Variants in KIT observed in about 807,000 individuals in gnomAD.
KIT encodes the protein mast/stem cell growth factor receptor Kit.
In KIT, 16 loss-of-function variants were observed where a neutral mutation model predicts 105.7. The ratio of observed to expected loss-of-function variants is 0.15; its 90% CI spans 0.10 to 0.23. The LOEUF (loss-of-function observed/expected upper bound fraction) is 0.23, where lower values mean the gene tolerates loss of function less well. KIT is among the 10% of genes least tolerant of loss of function. The pLI is 1.00. For synonymous variants in KIT, 438 were observed against 441.1 expected (o/e 0.99, Z 0.09); for missense variants, 858 against 1,213.8 (o/e 0.71, Z 4.36).
chr4:54,682,385 G>C (rs142830957), intron 1 of KIT, among the ~76,000 whole-genome samples: 39 of 152,066 alleles, frequency 2.6e-4, no homozygotes, highest in Non-Finnish European at 4.1e-4. Flanking sequence ...ACCGTGCCTG[G>C]CCCAAGCACT....
intron 5 of KIT, among the ~76,000 whole-genome samples, chr4:54,705,553 CCTTT>C (rs1450131947): frequency 6.6e-6 from 1 of 151,918 alleles, no homozygotes; most frequent in African/African-American, 2.4e-5. Flanking sequence ...ACAAAGTTAC[CCTTT>C]CTTTGTTTTT....
intron 5 of KIT, among the ~76,000 whole-genome samples, chr4:54,704,718 A>AT (rs1459568121): frequency 2.0e-5 from 3 of 152,086 alleles, no homozygotes; most frequent in Non-Finnish European, 4.4e-5. Context: ...AATTTAATCC[A>AT]TTTTTCTGTC....
rs1720341308 is a variant in KIT, at chr4:54,699,837, GTC to G, written c.756+73_756+74del. 5 of 1,573,278 alleles carry G rather than the reference GTC, an allele frequency of 3.2e-6. No individual in the cohort carries two copies. In the African/African-American group the frequency reaches 6.8e-5, roughly 21 times the overall value. On this transcript the variant is annotated intron_variant, in intron 4 of 20. Transcript: ENST00000288135. ...ATGATAAGTTTTCTCTTTCAGAAGA[GTC>G]TGTCCTGAAACTGCCTCGACTAGTG... is the stretch of plus-strand genomic sequence containing the variant.
chr4:54,708,380 A>T (rs1720922340), intron 6 of KIT, among the ~76,000 whole-genome samples: 2 of 152,076 alleles, frequency 1.3e-5, no homozygotes, highest in Non-Finnish European at 2.9e-5. Context: ...GTAGGGGAAG[A>T]GGCATGGGAG....
intron 1 of KIT, among the ~76,000 whole-genome samples, chr4:54,660,027 A>C (rs560295888): frequency 3.9e-5 from 6 of 152,258 alleles, no homozygotes; most frequent in Non-Finnish European, 7.4e-5. Context: ...TCCAGAGTAC[A>C]AGGAGGCATC....
chr4:54,711,798 G>A (rs77028315), intron 7 of KIT, among the ~76,000 whole-genome samples: 2 of 151,840 alleles, frequency 1.3e-5, no homozygotes, highest in African/African-American at 2.4e-5. Context: ...TGATGAGTGC[G>A]TGTAATCCCA....
At chr4:54,663,865 T>TA (rs1717484108) in intron 1 of KIT, among the ~76,000 whole-genome samples, 1 of 152,170 alleles carries the variant, frequency 6.6e-6, no homozygotes, top group African/African-American at 2.4e-5. Flanking sequence ...CTCCAGCACT[T>TA]ACACTAAGCT....
At chr4:54,674,337 C>G (rs1718319704) in intron 1 of KIT, among the ~76,000 whole-genome samples, 1 of 152,240 alleles carries the variant, frequency 6.6e-6, no homozygotes, top group African/African-American at 2.4e-5. Context: ...CCTCTCCGCA[C>G]TCACTAATTA....
intron 2 of KIT, among the ~76,000 whole-genome samples, chr4:54,697,739 G>T (rs191453492): frequency 6.6e-6 from 1 of 152,300 alleles, no homozygotes; most frequent in East Asian, 1.9e-4. Context: ...GAGTTTTCTG[G>T]ATTCTCTTTA....
chr4:54,706,209 A>T (rs1305891219), intron 5 of KIT, among the ~76,000 whole-genome samples: 1 of 144,310 alleles, frequency 6.9e-6, no homozygotes, highest in Non-Finnish European at 1.6e-5. Flanking sequence ...ACAAGATTTA[A>T]TCAAGGAATA....
In KIT at chr4:54,738,520, C is replaced by T. The variant is rs201185750; in HGVS notation, c.2894C>T (p.Ser965Phe). The T allele has an allele frequency of 6.2e-6, 10 of 1,614,116 alleles. No homozygotes were observed. Among genetic ancestry groups the T allele is most frequent in the Non-Finnish European group, 8.5e-6 (10 of 1,180,020 alleles). Residue 965 changes from serine to phenylalanine, a missense_variant, in exon 21 of 21, where the codon TCC becomes TTC. This residue lies in a region of KIT where 105 missense variants were observed against 103.5 expected (regional missense o/e 1.01). Coordinates refer to ENST00000288135, the MANE Select transcript of KIT (RefSeq NM_000222.3). ...ATCAATTCTGTCGGCAGCACCGCTT[C>T]CTCCTCCCAGCCTCTGCTTGTGCAC... ...VRINSVGSTA[S>F]SSQPLLVHDD...
chr4:54,688,816 G>T (rs992276097), intron 1 of KIT, among the ~76,000 whole-genome samples: 3 of 152,162 alleles, frequency 2.0e-5, no homozygotes, highest in East Asian at 3.9e-4. Context: ...GAACTACAAC[G>T]CACAGGCTCT....
rs969320486 is a variant in KIT at position 54,703,966 on chromosome 4, A to C, written c.925+74A>C. ...GAAATTATTAGACAGTTTCTTTTTTATGTAAATGGAATGTTGAACAGATTC... is the reference window on the plus strand; with the variant it reads ...GAAATTATTAGACAGTTTCTTTTTTCTGTAAATGGAATGTTGAACAGATTC... On this transcript the variant is annotated intron_variant, in intron 5 of 20. Transcript: ENST00000288135. 31 of 1,150,572 alleles carry C rather than the reference A, an allele frequency of 2.7e-5. No individual in the cohort carries two copies. The Middle Eastern group carries it at 9.6e-4, about 36-fold the overall frequency. 71.3% of individuals were successfully genotyped at this position (1,150,572 alleles called of 1,614,324 possible).
At chr4:54,687,655 G>A (rs1719411058) in intron 1 of KIT, among the ~76,000 whole-genome samples, 1 of 151,950 alleles carries the variant, frequency 6.6e-6, no homozygotes. Context: ...TCACAGTTTG[G>A]TTGGGTTGGG....
chr4:54,714,117 A>G (rs1248951228), intron 7 of KIT, among the ~76,000 whole-genome samples: 4 of 152,374 alleles, frequency 2.6e-5, no homozygotes, highest in South Asian at 4.1e-4. Context: ...ATGGACATCA[A>G]ATTCTTAGAT....
rs200518498 is a variant in KIT at position 54,725,913 on chromosome 4, C to T, written c.1403C>T (p.Pro468Leu). ...CAGACACTAAACTCATCTGGGCCAC[C>T]GTTTGGAAAGCTAGTGGTTCAGAGT... ...DVQTLNSSGP[P>L]FGKLVVQSSI... The change falls in exon 9 of 21, where the codon CCG becomes CTG. Residue 468 changes from proline (P) to leucine (L), a missense_variant. By Grantham distance (98) the Pro-to-Leu change is moderately conservative (BLOSUM62 -3). Around this residue, in one of 7 missense-constraint regions of KIT, gnomAD observed 401 missense variants for 601.0 expected, o/e 0.67. Coordinates refer to ENST00000288135, the MANE Select transcript of KIT (RefSeq NM_000222.3). 1.1e-5 allele frequency: 18 copies of T among 1,614,070 alleles called. No homozygotes were observed. Among genetic ancestry groups the T allele is most frequent in the Non-Finnish European group, 1.4e-5 (17 of 1,180,002 alleles).
At chr4:54,701,897 G>T (rs1720475510) in intron 4 of KIT, among the ~76,000 whole-genome samples, 1 of 152,138 alleles carries the variant, frequency 6.6e-6, no homozygotes, top group Non-Finnish European at 1.5e-5. Context: ...GTAGATTTCT[G>T]CCAATTATTA....
At chr4:54,719,408 A>G (rs971718761) in intron 7 of KIT, among the ~76,000 whole-genome samples, 3 of 152,210 alleles carry the variant, frequency 2.0e-5, no homozygotes, top group African/African-American at 7.2e-5. Flanking sequence ...CCAAGATCAC[A>G]AATCTGTGGG....
At chr4:54,689,298 T>A (rs542736622) in intron 1 of KIT, among the ~76,000 whole-genome samples, 1 of 152,198 alleles carries the variant, frequency 6.6e-6, no homozygotes. Flanking sequence ...TAATAAAATA[T>A]CGAATACAAC....
Sources: allele counts gnomAD v4.1 joint callset (sites outside exome capture counted in the v4.1 genomes callset), GRCh38; gene constraint gnomAD v4.1.1; regional missense constraint gnomAD v4.1.1; transcripts MANE v1.5; gene names NCBI Gene and HGNC (gene_info 2026-07-23, HGNC 2026-07-21).